Variants in PKHD1 observed in about 807,000 individuals in gnomAD.
PKHD1 encodes the protein fibrocystin.
Under a neutral mutation model 412.0 loss-of-function variants are expected in PKHD1, and 291 were observed. The ratio of observed to expected loss-of-function variants is 0.71; its 90% confidence interval spans 0.64 to 0.78. The LOEUF is 0.78. Among genes scored for constraint, PKHD1 ranks in the 30% least tolerant of loss-of-function variants. The pLI is 0.00. For missense variants in PKHD1, 4,825 were observed against 4,950.7 expected (o/e 0.97, Z 0.76); for synonymous variants, 1,777 against 1,821.5 (o/e 0.98, Z 0.62).
At chr6:51,670,644 G>A (rs545364315) in intron 60 of PKHD1, among the ~76,000 whole-genome samples, 4 of 152,082 alleles carry the variant, frequency 2.6e-5, no homozygotes, top group East Asian at 1.9e-4. Flanking sequence ...TCCTAGTCTC[G>A]ATGGTCTTTA....
intron 52 of PKHD1, among the ~76,000 whole-genome samples, chr6:51,807,626 C>A (rs150376289): frequency 3.3e-5 from 5 of 150,904 alleles, no homozygotes; most frequent in Non-Finnish European, 5.9e-5. Context: ...AGAATTAATA[C>A]GTAAGAATGA....
At chr6:51,754,637 T>A in intron 56 of PKHD1, 147 bp downstream of exon 56, 1 of 692,786 alleles carries the variant, frequency 1.4e-6, no homozygotes, top group East Asian at 2.6e-5. Flanking sequence ...GGAATAGAGA[T>A]AAGGCCACGT....
intron 60 of PKHD1, among the ~76,000 whole-genome samples, chr6:51,682,462 G>T (rs143887221): frequency 1.3e-5 from 2 of 152,058 alleles, no homozygotes; most frequent in Non-Finnish European, 2.9e-5. Flanking sequence ...GATTACTGAA[G>T]TAATTAGGTA....
chr6:51,794,309 T>C (rs1235861995), intron 52 of PKHD1, among the ~76,000 whole-genome samples: 1 of 152,178 alleles, frequency 6.6e-6, no homozygotes, highest in African/African-American at 2.4e-5. Flanking sequence ...TTCATATGTC[T>C]GTTGGCTGCG....
chr6:51,778,689 TG>T (rs1186107622), intron 53 of PKHD1, among the ~76,000 whole-genome samples: 4 of 152,154 alleles, frequency 2.6e-5, no homozygotes, highest in Non-Finnish European at 4.4e-5. Flanking sequence ...ATGGTACAAA[TG>T]GGTTCCAGGA....
intron 19 of PKHD1, 29 bp downstream of exon 19, chr6:52,055,558 G>T: frequency 6.2e-7 from 1 of 1,613,136 alleles, no homozygotes; most frequent in South Asian, 1.1e-5. Context: ...CTACCCACCT[G>T]ACCCAGAAGC....
chr6:51,637,672 G>A (rs1028464047), intron 64 of PKHD1, among the ~76,000 whole-genome samples: 2 of 152,034 alleles, frequency 1.3e-5, no homozygotes, highest in Non-Finnish European at 2.9e-5. Context: ...TAGGGAGGCT[G>A]AGGCAGGCGA....
At chr6:51,630,056 C>T (rs1767740945) in intron 65 of PKHD1, among the ~76,000 whole-genome samples, 1 of 152,044 alleles carries the variant, frequency 6.6e-6, no homozygotes, top group South Asian at 2.1e-4. Context: ...CTTCACGACT[C>T]CGTGAAACAA....
chr6:51,643,070 T>C (rs1326158548), intron 63 of PKHD1, among the ~76,000 whole-genome samples: 2 of 152,098 alleles, frequency 1.3e-5, no homozygotes, highest in East Asian at 1.9e-4. Flanking sequence ...AGCTAAAAAT[T>C]AATATTTCTA....
At chr6:51,794,146 T>C (rs2397062) in intron 52 of PKHD1, among the ~76,000 whole-genome samples, 89,190 of 150,962 alleles carry the variant, frequency 0.59, 27,015 homozygotes, top group East Asian at 0.83. Context: ...ACACCATTCT[T>C]CTGCCTCAGC....
chr6:51,874,947 C>T (rs1241051595), intron 46 of PKHD1, among the ~76,000 whole-genome samples: 4 of 77,372 alleles, frequency 5.2e-5, no homozygotes, highest in Non-Finnish European at 6.9e-5. Flanking sequence ...ATTGCCTCAC[C>T]TGGGAAGCGC....
At chr6:51,753,497 C>T in intron 56 of PKHD1, 144 bp from the exon 57 acceptor site, 1 of 717,850 alleles carries the variant, frequency 1.4e-6, no homozygotes, top group Non-Finnish European at 2.5e-6. Context: ...TTTCCTGGGG[C>T]ATTCTCCACA....
chr6:51,746,766 T>G lies in PKHD1; in HGVS notation c.9953A>C (p.Lys3318Thr). 6.2e-7 allele frequency: 1 copy of G among 1,611,316 alleles called. No homozygotes were observed. ...PITAERTRML[K>T]IKDKNKFYFP... ...GTAGAACTTGTTTTTATCTTTTATC[T>G]TTAGCATCCTGGTCCTCTCTGCTGT... Residue 3318 changes from lysine to threonine, a missense_variant, in exon 59 of 67, where the codon AAG becomes ACG. Lys to Thr is a moderately conservative substitution (Grantham distance 78). Transcript: ENST00000371117.
intron 55 of PKHD1, among the ~76,000 whole-genome samples, chr6:51,758,750 GTTTC>G (rs1404903328): frequency 7.2e-5 from 11 of 151,954 alleles, no homozygotes; most frequent in African/African-American, 2.2e-4. Context: ...TATCAGTACA[GTTTC>G]TTTATTTTGG....
chr6:51,920,652 G>A (rs530069683), intron 37 of PKHD1, among the ~76,000 whole-genome samples: 7 of 152,248 alleles, frequency 4.6e-5, no homozygotes, highest in African/African-American at 1.7e-4. Context: ...GAGTTAGGGA[G>A]GATTCCCTCT....
chr6:51,752,359 A>G (rs2151006119), intron 57 of PKHD1, among the ~76,000 whole-genome samples: 1 of 152,286 alleles, frequency 6.6e-6, no homozygotes, highest in Non-Finnish European at 1.5e-5. Context: ...ATGTCTCTAG[A>G]TATTGCCAAA....
intron 43 of PKHD1, among the ~76,000 whole-genome samples, chr6:51,895,718 C>G (rs1336570195): frequency 6.6e-6 from 1 of 152,118 alleles, no homozygotes; most frequent in East Asian, 1.9e-4. Flanking sequence ...GTGAGCGACA[C>G]AGAAGACAGG....
At chr6:52,030,823 A>G (rs151130153) in intron 29 of PKHD1, among the ~76,000 whole-genome samples, 27 of 152,282 alleles carry the variant, frequency 1.8e-4, no homozygotes, top group Non-Finnish European at 3.7e-4. Context: ...CCTACAGCTG[A>G]CTGATGGGTG....
In PKHD1 at chr6:51,659,018, T is replaced by G; in HGVS notation, c.11108A>C (p.Glu3703Ala). The G allele has an allele frequency of 6.2e-7, 1 of 1,613,256 alleles. No individual in the cohort carries two copies. The highest frequency in any genetic ancestry group is 8.5e-7 in the Non-Finnish European group (1 of 1,179,324). Residue 3703 changes from glutamate (E) to alanine (A), a missense_variant, in exon 61 of 67, where the codon GAG becomes GCG. Coordinates refer to ENST00000371117, the MANE Select transcript of PKHD1 (RefSeq NM_138694.4). ...VITAQQTGVL[E>A]NVLNMTIGAL... ...CCCGATAGTCATATTCAGAACATTC[T>G]CTAGTACCCCAGTCTGTTGAGCAGT...
Sources: gnomAD v4.1 joint callset for allele counts (sites outside exome capture counted in the v4.1 genomes callset) on GRCh38, gnomAD v4.1.1 for gene constraint, MANE v1.5 for transcripts, NCBI Gene and HGNC (gene_info 2026-07-23, HGNC 2026-07-21) for gene names.